The following ALK variants were observed in gnomAD, a reference collection of about 807,000 sequenced individuals.
The protein encoded by ALK is ALK receptor tyrosine kinase, also known as ALK tyrosine kinase receptor.
Under a neutral mutation model 163.1 loss-of-function variants are expected in ALK, and 74 were observed. The observed-to-expected ratio is 0.45, with a 90% confidence interval of 0.38 to 0.55. ALK has a LOEUF of 0.55. ALK is among the 20% of genes least tolerant of loss of function. The pLI, the probability that ALK is intolerant of heterozygous loss-of-function variation, is 0.00. For missense variants in ALK, 2,063 were observed against 2,105.3 expected (o/e 0.98, Z 0.39); for synonymous variants, 960 against 843.2 (o/e 1.14, Z -2.40).
chr2:29,713,624 T>C, intron 2 of ALK, among the ~76,000 whole-genome samples: 1 of 152,172 alleles, frequency 6.6e-6, no homozygotes, highest in South Asian at 2.1e-4. Context: ...AACTTTGTGA[T>C]ATGATAGAAA....
intron 3 of ALK, among the ~76,000 whole-genome samples, chr2:29,680,105 G>A (rs1268795287): frequency 6.6e-6 from 1 of 151,772 alleles, no homozygotes; most frequent in Non-Finnish European, 1.5e-5. Context: ...TTCTCTTGTT[G>A]TTTAAGATCT....
intron 16 of ALK, among the ~76,000 whole-genome samples, chr2:29,228,071 G>A (rs917454370): frequency 3.3e-5 from 5 of 152,126 alleles, no homozygotes; most frequent in Non-Finnish European, 7.4e-5. Flanking sequence ...GGGGTGTGGC[G>A]GGCTGTGCGG....
At position 29,631,193 on chromosome 2, in the gene ALK, T is replaced by C. The variant is rs377292777; in HGVS notation, c.952+63657A>G. Among the ~76,000 whole-genome samples, 19 of 152,352 alleles carry C rather than the reference T, an allele frequency of 1.2e-4. No homozygotes were observed. The South Asian group carries it at 3.7e-3, about 30-fold the overall frequency. On this transcript the variant is annotated intron_variant, in intron 3 of 28. Transcript: ENST00000389048. ...TATCGCTCATTTTCATTTGAGAAAA[T>C]TCCCCATTAATATGCATTATTGAAC...
intron 1 of ALK, among the ~76,000 whole-genome samples, chr2:29,895,821 A>G (rs1667253564): frequency 6.6e-6 from 1 of 152,138 alleles, no homozygotes; most frequent in Non-Finnish European, 1.5e-5. Flanking sequence ...GTGTTTTTGA[A>G]AAGAGGACCA....
chr2:29,511,024 T>C (rs893832574), intron 4 of ALK, among the ~76,000 whole-genome samples: 3 of 152,160 alleles, frequency 2.0e-5, no homozygotes, highest in African/African-American at 7.2e-5. Flanking sequence ...CTCAATGCAC[T>C]TGTCTGTACA....
rs1677062156 is a variant in ALK at position 29,652,422 on chromosome 2, G to C, written c.952+42428C>G. ...ATTAAGAGCCATGCTTTTCCATAATGAAAGTTTCTTGGTGTGATATTGTGA... is the reference window on the plus strand; with the variant it reads ...ATTAAGAGCCATGCTTTTCCATAATCAAAGTTTCTTGGTGTGATATTGTGA... On this transcript the variant is annotated intron_variant, in intron 3 of 28. Transcript: ENST00000389048. 2.0e-5 allele frequency among the ~76,000 whole-genome samples: 3 copies of C among 152,286 alleles called. No homozygotes were observed. In the South Asian group the frequency reaches 6.2e-4, roughly 32 times the overall value.
chr2:29,691,477 T>C (rs762296552), intron 3 of ALK, among the ~76,000 whole-genome samples: 4 of 152,186 alleles, frequency 2.6e-5, no homozygotes, highest in African/African-American at 4.8e-5. Context: ...TACCTGATGC[T>C]AACAGTGATG....
At chr2:29,854,222 T>C (rs1390466580) in intron 1 of ALK, among the ~76,000 whole-genome samples, 1 of 151,994 alleles carries the variant, frequency 6.6e-6, no homozygotes, top group Non-Finnish European at 1.5e-5. Context: ...TGTATATGGA[T>C]TAATATAATT....
chr2:29,215,702 CGTAT>C (rs34327898), intron 23 of ALK, among the ~76,000 whole-genome samples: 139,796 of 151,326 alleles, frequency 0.92, 65,358 homozygotes, highest in Non-Finnish European at 1. Flanking sequence ...GGGGTTGGAG[CGTAT>C]GTATGTGACT....
intron 4 of ALK, 24 bp downstream of exon 4, chr2:29,531,891 T>C: frequency 6.2e-7 from 1 of 1,613,022 alleles, no homozygotes; most frequent in South Asian, 1.1e-5. Flanking sequence ...ATAAAATCAA[T>C]TTTGGACATG....
chr2:29,569,618 G>C (rs919603385), intron 3 of ALK, among the ~76,000 whole-genome samples: 1 of 152,090 alleles, frequency 6.6e-6, no homozygotes, highest in Non-Finnish European at 1.5e-5. Flanking sequence ...TGAGGACGTG[G>C]CAGCACATGA....
intron 3 of ALK, among the ~76,000 whole-genome samples, chr2:29,671,574 A>G (rs1258088900): frequency 1.3e-5 from 2 of 152,076 alleles, no homozygotes; most frequent in Non-Finnish European, 2.9e-5. Flanking sequence ...GACCACCTCA[A>G]TTTCAGTTTT....
At chr2:29,711,349 G>A (rs916887114) in intron 2 of ALK, among the ~76,000 whole-genome samples, 8 of 152,094 alleles carry the variant, frequency 5.3e-5, no homozygotes, top group Admixed American at 2.0e-4. Context: ...TTCAGCTGCC[G>A]CAGTCTCCAA....
intron 1 of ALK, among the ~76,000 whole-genome samples, chr2:29,811,927 C>T (rs2148372049): frequency 6.6e-6 from 1 of 152,254 alleles, no homozygotes; most frequent in South Asian, 2.1e-4. Flanking sequence ...AGAGTAAAGC[C>T]TTGGAAAAGG....
At chr2:29,588,422 G>A (rs1052191734) in intron 3 of ALK, among the ~76,000 whole-genome samples, 1 of 152,072 alleles carries the variant, frequency 6.6e-6, no homozygotes, top group Admixed American at 6.5e-5. Context: ...GTAGAGATGG[G>A]GTTTTGCCAT....
chr2:29,494,041 G>A (rs1454118127), intron 4 of ALK, among the ~76,000 whole-genome samples: 1 of 152,188 alleles, frequency 6.6e-6, no homozygotes, highest in African/African-American at 2.4e-5. Flanking sequence ...CAGTGTCTGA[G>A]GACCTGTCTA....
chr2:29,604,652 G>A (rs1024581315), intron 3 of ALK, among the ~76,000 whole-genome samples: 1 of 152,216 alleles, frequency 6.6e-6, no homozygotes, highest in Non-Finnish European at 1.5e-5. Flanking sequence ...GAGGTCTGAT[G>A]TGTCCTGTTT....
At chr2:29,443,661 G>C (rs1160458891) in intron 4 of ALK, among the ~76,000 whole-genome samples, 1 of 152,144 alleles carries the variant, frequency 6.6e-6, no homozygotes, top group African/African-American at 2.4e-5. Context: ...GTTGGAAAGG[G>C]GCTAGTCTCC....
intron 5 of ALK, among the ~76,000 whole-genome samples, chr2:29,339,917 C>T (rs758195484): frequency 5.9e-5 from 9 of 152,196 alleles, no homozygotes; most frequent in South Asian, 4.1e-4. Flanking sequence ...GTAGGCCACC[C>T]GCAGGAAGGC....
Sources: gnomAD v4.1 joint callset for allele counts (sites outside exome capture counted in the v4.1 genomes callset) on GRCh38, gnomAD v4.1.1 for gene constraint, MANE v1.5 for transcripts, NCBI Gene and HGNC (gene_info 2026-07-23, HGNC 2026-07-21) for gene names.